PRKG1: variants seen among roughly 807,000 people sequenced by gnomAD.
PRKG1 encodes the protein protein kinase cGMP-dependent 1.
Under a neutral mutation model 88.1 loss-of-function variants are expected in PRKG1, and 35 were observed. That is an observed-to-expected ratio of 0.40 (90% confidence interval 0.30 to 0.53). The LOEUF (loss-of-function observed/expected upper bound fraction) is 0.53, where lower values mean the gene tolerates loss of function less well. Among genes scored for constraint, PRKG1 ranks in the 20% least tolerant of loss-of-function variants. PRKG1 has a pLI of 0.59. For missense variants in PRKG1, 540 were observed against 839.8 expected (o/e 0.64, Z 4.41); for synonymous variants, 303 against 292.5 (o/e 1.04, Z -0.37).
intron 8 of PRKG1, among the ~76,000 whole-genome samples, chr10:52,152,453 T>A (rs1589653365): frequency 6.6e-6 from 1 of 152,208 alleles, no homozygotes; most frequent in Non-Finnish European, 1.5e-5. Flanking sequence ...GGAAGGATTT[T>A]GAGTGAAGGC....
intron 1 of PRKG1, among the ~76,000 whole-genome samples, chr10:51,056,226 A>G (rs185582752): frequency 6.6e-6 from 1 of 152,310 alleles, no homozygotes; most frequent in East Asian, 1.9e-4. Flanking sequence ...TCCAAGTAGT[A>G]CTAGATATGC....
intron 9 of PRKG1, among the ~76,000 whole-genome samples, chr10:52,201,619 C>A (rs572833265): frequency 7.2e-5 from 11 of 152,084 alleles, no homozygotes; most frequent in Non-Finnish European, 1.3e-4. Flanking sequence ...AGTAATAATA[C>A]CGAATCTGCA....
chr10:51,429,987 A>T (rs551730158), intron 2 of PRKG1, among the ~76,000 whole-genome samples: 1 of 151,922 alleles, frequency 6.6e-6, no homozygotes, highest in Non-Finnish European at 1.5e-5. Flanking sequence ...CATAAATTAG[A>T]TAAAAGAATT....
At chr10:51,805,930 G>A (rs74599003) in intron 4 of PRKG1, among the ~76,000 whole-genome samples, 3,908 of 152,150 alleles carry the variant, frequency 0.026, 86 homozygotes, top group Non-Finnish European at 0.044. Flanking sequence ...CTTAGAAGAG[G>A]TAGAAATGTA....
Position 51,223,512 on chromosome 10 carries a change from A to T in PRKG1, c.478+70182A>T, listed in dbSNP as rs546620125. Among the ~76,000 whole-genome samples, 146 of 152,312 alleles carry T rather than the reference A, an allele frequency of 9.6e-4. 2 individuals are homozygous for T. Among genetic ancestry groups the T allele is most frequent in the African/African-American group, 3.2e-3 (135 of 41,588 alleles). On this transcript the variant is annotated intron_variant, in intron 2 of 17. Coordinates refer to ENST00000373980, the MANE Select transcript of PRKG1 (RefSeq NM_006258.4). ...TACATACACACATACACGAGTGAAT[A>T]TCTATATAAATGTATTCTCTATAGG...
At chr10:51,176,975 A>AT (rs112002018) in intron 2 of PRKG1, among the ~76,000 whole-genome samples, 14 of 152,106 alleles carry the variant, frequency 9.2e-5, no homozygotes, top group African/African-American at 2.9e-4. Context: ...CAAATAAGTC[A>AT]TTTTTTTAAG....
chr10:51,688,216 G>A (rs1472347650), intron 3 of PRKG1, among the ~76,000 whole-genome samples: 1 of 151,900 alleles, frequency 6.6e-6, no homozygotes, highest in East Asian at 1.9e-4. Flanking sequence ...TTAATATGCA[G>A]GCTTTGATTC....
chr10:51,622,021 A>G (rs962393921), intron 3 of PRKG1, among the ~76,000 whole-genome samples: 1 of 152,178 alleles, frequency 6.6e-6, no homozygotes, highest in Admixed American at 6.5e-5. Context: ...CTCACCCTGT[A>G]TTGGTTGGAT....
intron 7 of PRKG1, among the ~76,000 whole-genome samples, chr10:52,133,456 A>G (rs1837319754): frequency 6.6e-6 from 1 of 152,150 alleles, no homozygotes; most frequent in Non-Finnish European, 1.5e-5. Context: ...ATACAAATGG[A>G]TCAGATACTC....
intron 9 of PRKG1, among the ~76,000 whole-genome samples, chr10:52,170,579 A>G (rs563328079): frequency 8.3e-4 from 126 of 152,306 alleles, no homozygotes; most frequent in Non-Finnish European, 1.6e-3. Context: ...ACACTCTGCA[A>G]GAGCTGTAGG....
At chr10:52,057,011 A>G (rs1196771278) in intron 6 of PRKG1, among the ~76,000 whole-genome samples, 2 of 152,150 alleles carry the variant, frequency 1.3e-5, no homozygotes, top group Non-Finnish European at 2.9e-5. Flanking sequence ...ATTATATGTC[A>G]TATGTTTTGT....
intron 2 of PRKG1, among the ~76,000 whole-genome samples, chr10:51,161,981 A>G (rs1248997524): frequency 4.6e-5 from 7 of 152,334 alleles, no homozygotes; most frequent in Middle Eastern, 6.8e-3. Context: ...TGCATGCTGA[A>G]CACTTCACAC....
chr10:51,012,255 G>C (rs888078969), intron 1 of PRKG1, among the ~76,000 whole-genome samples: 1 of 152,158 alleles, frequency 6.6e-6, no homozygotes, highest in Non-Finnish European at 1.5e-5. Context: ...AGAGTTTCCT[G>C]GTTGTTCTGG....
chr10:51,620,221 T>C (rs934908725), intron 3 of PRKG1, among the ~76,000 whole-genome samples: 1 of 152,150 alleles, frequency 6.6e-6, no homozygotes, highest in Non-Finnish European at 1.5e-5. Flanking sequence ...ATAAAACCCT[T>C]ATGAAGATTG....
At chr10:51,371,757 C>T (rs1372141629) in intron 2 of PRKG1, among the ~76,000 whole-genome samples, 6 of 152,186 alleles carry the variant, frequency 3.9e-5, no homozygotes, top group Non-Finnish European at 7.3e-5. Context: ...CTTTCCTCCT[C>T]AGTCACCATC....
At chr10:51,240,573 T>C (rs1005487805) in intron 2 of PRKG1, among the ~76,000 whole-genome samples, 2 of 152,220 alleles carry the variant, frequency 1.3e-5, no homozygotes, top group Non-Finnish European at 1.5e-5. Flanking sequence ...TTTCAAATTA[T>C]GCCTCTTTAA....
At chr10:51,259,696 G>A (rs377684658) in intron 2 of PRKG1, among the ~76,000 whole-genome samples, 6 of 152,172 alleles carry the variant, frequency 3.9e-5, no homozygotes, top group African/African-American at 1.4e-4. Context: ...GGCTGGTCTC[G>A]AACTCCTAAC....
intron 7 of PRKG1, among the ~76,000 whole-genome samples, chr10:52,100,409 A>G (rs1847269696): frequency 6.6e-6 from 1 of 152,196 alleles, no homozygotes; most frequent in South Asian, 2.1e-4. Context: ...AATTTGTTAC[A>G]TGCTAAAATA....
intron 17 of PRKG1, 135 bp from the exon 18 acceptor site, chr10:52,293,667 C>T: frequency 3.0e-6 from 2 of 676,398 alleles, no homozygotes; most frequent in East Asian, 2.7e-5. Flanking sequence ...CACTGTGACC[C>T]TCAATACCTG....
Sources: allele counts gnomAD v4.1 joint callset (sites outside exome capture counted in the v4.1 genomes callset), GRCh38; gene constraint gnomAD v4.1.1; transcripts MANE v1.5; gene names NCBI Gene and HGNC (gene_info 2026-07-23, HGNC 2026-07-21).